LRMDA: variants seen among roughly 807,000 people sequenced by gnomAD.
LRMDA encodes the protein leucine-rich melanocyte differentiation-associated protein.
Under a neutral mutation model 29.8 loss-of-function variants are expected in LRMDA, and 18 were observed. The observed-to-expected ratio is 0.60, with a 90% confidence interval of 0.42 to 0.90. The LOEUF (loss-of-function observed/expected upper bound fraction) is 0.90, where lower values mean the gene tolerates loss of function less well. Among genes scored for constraint, LRMDA ranks in the 40% least tolerant of loss-of-function variants. The pLI is 0.00. For missense variants in LRMDA, 273 were observed against 273.9 expected (o/e 1.00, Z 0.02); for synonymous variants, 125 against 109.4 (o/e 1.14, Z -0.89).
intron 2 of LRMDA, among the ~76,000 whole-genome samples, chr10:75,979,577 C>T (rs1847130403): frequency 6.6e-6 from 1 of 152,168 alleles, no homozygotes; most frequent in African/African-American, 2.4e-5. Flanking sequence ...ATTTTCCCAA[C>T]ATCCCGTGGG....
intron 2 of LRMDA, among the ~76,000 whole-genome samples, chr10:75,957,016 G>A (rs750204273): frequency 2.0e-5 from 3 of 152,140 alleles, no homozygotes; most frequent in Non-Finnish European, 4.4e-5. Flanking sequence ...TGAGTTCCTT[G>A]CAACTAGCAT....
At chr10:76,207,546 T>G (rs922505205) in intron 5 of LRMDA, among the ~76,000 whole-genome samples, 1 of 152,228 alleles carries the variant, frequency 6.6e-6, no homozygotes, top group African/African-American at 2.4e-5. Context: ...ATGCCCAGTG[T>G]GTGTGACTTC....
At position 76,498,351 on chromosome 10, in the gene LRMDA, G is replaced by T. The variant is rs1218926143; in HGVS notation, c.602-58858G>T. On this transcript the variant is annotated intron_variant, in intron 6 of 6. Transcript: ENST00000611255. The stretch of plus-strand genomic sequence containing the variant: ...GGCAGCCCTGGTTCTCTGAGGCTGT[G>T]TTGAGATCTGAGAGAAGGTAATGTT... Among the ~76,000 whole-genome samples, 6 of 75,332 alleles carry T rather than the reference G, an allele frequency of 8.0e-5. 3 individuals are homozygous for T. The highest frequency in any genetic ancestry group is 2.6e-4 in the Non-Finnish European group (6 of 22,674). The allele number at this position is 75,332 out of a possible 152,430, so 49.4% of individuals were successfully genotyped here.
At chr10:76,505,095 ATTTC>A (rs989098562) in intron 6 of LRMDA, among the ~76,000 whole-genome samples, 15 of 149,422 alleles carry the variant, frequency 1.0e-4, no homozygotes, top group Non-Finnish European at 1.6e-4. Context: ...TTGGTATGAA[ATTTC>A]TTTTTTTTTT....
intron 5 of LRMDA, among the ~76,000 whole-genome samples, chr10:76,316,384 C>A (rs1161473654): frequency 6.6e-6 from 1 of 152,052 alleles, no homozygotes; most frequent in Non-Finnish European, 1.5e-5. Flanking sequence ...GCACACCTGG[C>A]CGTGCGCTGT....
In LRMDA at chr10:76,358,223, G is replaced by A. The variant is rs576426439; in HGVS notation, c.601+33738G>A. On this transcript the variant is annotated intron_variant, in intron 6 of 6. Coordinates refer to ENST00000611255, the MANE Select transcript of LRMDA (RefSeq NM_001305581.2). ...AAAGGCTCTGGCAGTCCTCGTAGGAGAAATGCCAGTAATGAGGCAATGGAA... is the reference window on the plus strand; with the variant it reads ...AAAGGCTCTGGCAGTCCTCGTAGGAAAAATGCCAGTAATGAGGCAATGGAA... Among the ~76,000 whole-genome samples the A allele has an allele frequency of 3.3e-5, 5 of 152,296 alleles. No individual in the cohort carries two copies. In the South Asian group the frequency reaches 1.0e-3, roughly 32 times the overall value.
chr10:75,450,120 C>T (rs1040047912), intron 2 of LRMDA: 5 of 152,094 alleles, frequency 3.3e-5, no homozygotes, highest in Admixed American at 2.6e-4. Flanking sequence ...ACAAATTCTC[C>T]CTGGCCGAGA....
chr10:75,467,244 C>T (rs1479434385), intron 2 of LRMDA, among the ~76,000 whole-genome samples: 1 of 152,124 alleles, frequency 6.6e-6, no homozygotes, highest in Middle Eastern at 3.2e-3. Flanking sequence ...ACATTTCAGG[C>T]AGAAGGGCAA....
chr10:75,533,499 G>A (rs144333077), intron 2 of LRMDA, among the ~76,000 whole-genome samples: 5 of 152,346 alleles, frequency 3.3e-5, no homozygotes, highest in African/African-American at 1.2e-4. Flanking sequence ...TTATGGGTCT[G>A]AGTAAGAGAC....
chr10:76,220,568 C>A (rs1851812895), intron 5 of LRMDA, among the ~76,000 whole-genome samples: 1 of 152,068 alleles, frequency 6.6e-6, no homozygotes. Context: ...AAGACTAAAC[C>A]AGAAAGAAGT....
intron 2 of LRMDA, among the ~76,000 whole-genome samples, chr10:75,538,503 A>AGG (rs1275909037): frequency 6.6e-6 from 1 of 152,230 alleles, no homozygotes; most frequent in Non-Finnish European, 1.5e-5. Flanking sequence ...CTTCACCCGT[A>AGG]GACTGTTCAA....
intron 5 of LRMDA, among the ~76,000 whole-genome samples, chr10:76,154,228 A>G (rs1278455865): frequency 6.6e-6 from 1 of 152,168 alleles, no homozygotes; most frequent in African/African-American, 2.4e-5. Context: ...TTTAATACTT[A>G]TGTATCAGAG....
intron 2 of LRMDA, among the ~76,000 whole-genome samples, chr10:75,988,530 G>C (rs1847302306): frequency 6.8e-6 from 1 of 147,498 alleles, no homozygotes; most frequent in Non-Finnish European, 1.5e-5. Flanking sequence ...CCCACCCCCA[G>C]CTCTCTTTTC....
At chr10:75,712,814 CCAACTACATT>C (rs1310956986) in intron 2 of LRMDA, among the ~76,000 whole-genome samples, 2 of 151,870 alleles carry the variant, frequency 1.3e-5, no homozygotes, top group East Asian at 3.9e-4. Flanking sequence ...CCCCAGCCCC[CCAACTACATT>C]CACTGACACT....
intron 5 of LRMDA, among the ~76,000 whole-genome samples, chr10:76,242,527 G>A (rs73286961): frequency 0.012 from 1,890 of 152,214 alleles, 41 homozygotes; most frequent in African/African-American, 0.042. Context: ...TAGATGCATC[G>A]TGCCAATATC....
intron 2 of LRMDA, among the ~76,000 whole-genome samples, chr10:75,731,849 A>G (rs1842702827): frequency 6.6e-6 from 1 of 152,226 alleles, no homozygotes; most frequent in African/African-American, 2.4e-5. Flanking sequence ...TATAAAATCA[A>G]CTACCTATAG....
chr10:75,572,276 A>G (rs776798012), intron 2 of LRMDA, among the ~76,000 whole-genome samples: 1 of 151,834 alleles, frequency 6.6e-6, no homozygotes, highest in Non-Finnish European at 1.5e-5. Flanking sequence ...AATAATCAAC[A>G]CTTATATAGA....
At chr10:76,472,001 C>T (rs572857124) in intron 6 of LRMDA, among the ~76,000 whole-genome samples, 2 of 151,808 alleles carry the variant, frequency 1.3e-5, no homozygotes, top group Admixed American at 1.3e-4. Context: ...ATACCCCACT[C>T]TTAATAACAG....
intron 2 of LRMDA, among the ~76,000 whole-genome samples, chr10:75,749,625 C>CTTT (rs76643743): frequency 4.7e-5 from 6 of 128,792 alleles, no homozygotes; most frequent in African/African-American, 1.4e-4. Context: ...AATATAGAAA[C>CTTT]TTTTTTTTTT....
Sources: gnomAD v4.1 joint callset for allele counts (sites outside exome capture counted in the v4.1 genomes callset) on GRCh38, gnomAD v4.1.1 for gene constraint, MANE v1.5 for transcripts, NCBI Gene and HGNC (gene_info 2026-07-23, HGNC 2026-07-21) for gene names.